The following ZMYM2 variants were observed in gnomAD, a reference collection of about 807,000 sequenced individuals.
ZMYM2 encodes the protein zinc finger MYM-type containing 2, also known as zinc finger MYM-type protein 2.
Under a neutral mutation model 162.8 loss-of-function variants are expected in ZMYM2, and 56 were observed. The ratio of observed to expected loss-of-function variants is 0.34; its 90% CI spans 0.28 to 0.43. ZMYM2 has a LOEUF of 0.43. Among genes scored for constraint, ZMYM2 ranks in the 20% least tolerant of loss-of-function variants. The pLI, the probability that ZMYM2 is intolerant of heterozygous loss-of-function variation, is 1.00. For synonymous variants in ZMYM2, 510 were observed against 541.6 expected, an observed-to-expected ratio of 0.94 and a Z score of 0.81; for missense variants, 1,275 against 1,621.8, an observed-to-expected ratio of 0.79 and a Z score of 3.67.
intron 1 of ZMYM2, among the ~76,000 whole-genome samples, chr13:19,959,386 T>C (rs1207296356): frequency 6.6e-6 from 1 of 152,116 alleles, no homozygotes; most frequent in Non-Finnish European, 1.5e-5. Flanking sequence ...GGTCCCCTCC[T>C]TCGCTCTTCT....
intron 3 of ZMYM2, among the ~76,000 whole-genome samples, chr13:19,999,870 T>G (rs1950267925): frequency 6.6e-6 from 1 of 152,208 alleles, no homozygotes; most frequent in African/African-American, 2.4e-5. Flanking sequence ...TGAACTTGGC[T>G]CACTGCAGCC....
chr13:19,877,941 A>G, the ZMYM2 span, among the ~76,000 whole-genome samples: 1 of 152,106 alleles, frequency 6.6e-6, no homozygotes, highest in East Asian at 1.9e-4. Context: ...TAGTAATTAC[A>G]TTTTAAATTT....
At position 20,051,613 on chromosome 13, in the gene ZMYM2, A is replaced by G; in HGVS notation, c.2458+15A>G. On this transcript the variant is annotated intron_variant, in intron 13 of 24. Coordinates refer to ENST00000610343, the MANE Select transcript of ZMYM2 (RefSeq NM_197968.4). ...CTTACATTATGGTATGTAATGATTT[A>G]GGTGATAACTTGAAAACCCTGTACA... 6.2e-7 allele frequency: 1 copy of G among 1,602,640 alleles called. No homozygotes were observed. Among genetic ancestry groups the G allele is most frequent in the Non-Finnish European group, 8.5e-7 (1 of 1,174,754 alleles).
rs1958251128 is a variant in ZMYM2 at position 20,086,074 on chromosome 13, C to A, written c.*60C>A. On this transcript the variant is annotated 3_prime_UTR_variant, in exon 25 of 25. Coordinates refer to ENST00000610343, the MANE Select transcript of ZMYM2 (RefSeq NM_197968.4). ...GCATTAGATAGTCATGCTGCTAGAT[C>A]TTTATTATGGAAAACATTTCAAGTT... 6 of 1,524,400 alleles carry A rather than the reference C, an allele frequency of 3.9e-6. No individual in the cohort carries two copies. In the South Asian group the frequency reaches 4.8e-5, roughly 12 times the overall value. 94.4% of individuals were successfully genotyped at this position (1,524,400 alleles called of 1,614,324 possible). A position where few individuals can be genotyped will look rare whatever the true frequency, so the allele number is the denominator to read the frequency against.
At chr13:20,085,666 T>C (rs919574762) in intron 24 of ZMYM2, among the ~76,000 whole-genome samples, 156 bp from the exon 25 acceptor site, 5 of 152,144 alleles carry the variant, frequency 3.3e-5, no homozygotes, top group African/African-American at 1.2e-4. Flanking sequence ...AAAATAACTT[T>C]GAGAATATTT....
At chr13:20,018,144 T>C (rs1352367270) in intron 6 of ZMYM2, among the ~76,000 whole-genome samples, 3 of 152,096 alleles carry the variant, frequency 2.0e-5, no homozygotes, top group Non-Finnish European at 4.4e-5. Flanking sequence ...ACTAGAGGAG[T>C]AGGAGTTCCT....
At chr13:20,082,631 C>A in intron 22 of ZMYM2, 150 bp from the exon 23 acceptor site, 2 of 678,698 alleles carry the variant, frequency 2.9e-6, no homozygotes, top group Non-Finnish European at 2.3e-6. Context: ...TAAAGAGCTG[C>A]ATAGGTAATT....
chr13:19,896,044 T>TTTTGA, the ZMYM2 span, among the ~76,000 whole-genome samples: 1 of 150,730 alleles, frequency 6.6e-6, no homozygotes, highest in East Asian at 2.0e-4. Flanking sequence ...TTTTTTTTTT[T>TTTTGA]GAGAGAGTCT....
the ZMYM2 span, among the ~76,000 whole-genome samples, chr13:19,904,373 A>G: frequency 6.6e-6 from 1 of 152,128 alleles, no homozygotes; most frequent in African/African-American, 2.4e-5. Context: ...CCTGGCTAAC[A>G]TGGTGAAACT....
the ZMYM2 span, among the ~76,000 whole-genome samples, chr13:19,924,302 C>T: frequency 1.3e-5 from 2 of 152,102 alleles, no homozygotes; most frequent in African/African-American, 4.8e-5. Flanking sequence ...CGGTGGCTCA[C>T]GCCTGTAATC....
chr13:19,997,685 C>G (rs1468809071), intron 3 of ZMYM2, among the ~76,000 whole-genome samples: 1 of 152,072 alleles, frequency 6.6e-6, no homozygotes, highest in African/African-American at 2.4e-5. Flanking sequence ...TTTAAAATAG[C>G]TATTTTTTCT....
the ZMYM2 span, among the ~76,000 whole-genome samples, chr13:19,873,842 C>A: frequency 6.6e-6 from 1 of 152,220 alleles, no homozygotes; most frequent in Non-Finnish European, 1.5e-5. Context: ...TACAGCTGGG[C>A]TCACCCCATA....
intron 12 of ZMYM2, 49 bp downstream of exon 12, chr13:20,036,958 CGTT>C: frequency 6.7e-7 from 1 of 1,497,088 alleles, no homozygotes; most frequent in Non-Finnish European, 8.9e-7. Flanking sequence ...TCTTAAAAAA[CGTT>C]GTAGCTGTTA....
chr13:19,973,843 AT>A (rs374055492), intron 2 of ZMYM2, among the ~76,000 whole-genome samples: 17 of 149,770 alleles, frequency 1.1e-4, no homozygotes, highest in South Asian at 6.3e-4. Flanking sequence ...ACATTGTGAG[AT>A]TTTTTTTTTG....
chr13:20,011,683 G>A (rs535570241), intron 6 of ZMYM2, among the ~76,000 whole-genome samples: 1 of 150,488 alleles, frequency 6.6e-6, no homozygotes, highest in South Asian at 2.1e-4. Context: ...TGGTTCAAGC[G>A]ATTCTCTTGC....
the ZMYM2 span, among the ~76,000 whole-genome samples, chr13:19,921,021 G>A: frequency 2.0e-5 from 3 of 151,794 alleles, no homozygotes; most frequent in Admixed American, 6.6e-5. Context: ...CGCCCACTTT[G>A]GCCTCCCAAA....
chr13:20,008,715 A>G (rs527959046), intron 6 of ZMYM2, among the ~76,000 whole-genome samples: 1 of 152,352 alleles, frequency 6.6e-6, no homozygotes, highest in East Asian at 1.9e-4. Flanking sequence ...GATATTTATA[A>G]GTAAGATTGG....
intron 4 of ZMYM2, 53 bp from the exon 5 acceptor site, chr13:20,005,019 CTT>C: frequency 3.5e-6 from 5 of 1,448,864 alleles, no homozygotes; most frequent in Non-Finnish European, 4.7e-6. Flanking sequence ...ACTTATGACT[CTT>C]ATATTTGATT....
chr13:19,906,337 G>GTA, the ZMYM2 span, among the ~76,000 whole-genome samples: 1 of 122,968 alleles, frequency 8.1e-6, no homozygotes, highest in Non-Finnish European at 1.7e-5. Flanking sequence ...GTATGTATGT[G>GTA]TATATATATG....
Sources: allele counts gnomAD v4.1 joint callset (sites outside exome capture counted in the v4.1 genomes callset), GRCh38; gene constraint gnomAD v4.1.1; transcripts MANE v1.5; gene names NCBI Gene and HGNC (gene_info 2026-07-23, HGNC 2026-07-21).